Variants in ZNF83 observed in about 807,000 individuals in gnomAD.
The protein encoded by ZNF83 is zinc finger protein 83, also known as zinc finger protein 816B.
For synonymous variants in ZNF83, 209 were observed against 213.0 expected, an observed-to-expected ratio of 0.98 and a Z score of 0.17; for missense variants, 552 against 629.9, an observed-to-expected ratio of 0.88 and a Z score of 1.32.
chr19:52,643,555 G>T (rs2061335585), intron 3 of ZNF83, among the ~76,000 whole-genome samples: 1 of 152,010 alleles, frequency 6.6e-6, no homozygotes, highest in Non-Finnish European at 1.5e-5. Flanking sequence ...CAAAAAATTA[G>T]CTGGGTGTTG....
intron 2 of ZNF83, among the ~76,000 whole-genome samples, chr19:52,659,423 G>A (rs1194712975): frequency 1.3e-5 from 2 of 152,136 alleles, no homozygotes; most frequent in South Asian, 2.1e-4. Context: ...CAACAGAAAC[G>A]GTATATAAAA....
intron 1 of ZNF83, among the ~76,000 whole-genome samples, chr19:52,675,818 AGTG>A (rs1365624879): frequency 1.3e-5 from 2 of 152,236 alleles, no homozygotes; most frequent in Non-Finnish European, 2.9e-5. Context: ...CTTGGACGAA[AGTG>A]GAACTAATTT....
intron 1 of ZNF83, among the ~76,000 whole-genome samples, chr19:52,680,135 C>A (rs2061883759): frequency 6.6e-6 from 1 of 152,132 alleles, no homozygotes; most frequent in South Asian, 2.1e-4. Flanking sequence ...GAAGAGATCA[C>A]ACCACTGCAC....
intron 2 of ZNF83, among the ~76,000 whole-genome samples, chr19:52,626,745 CT>C (rs1424032933): frequency 6.6e-6 from 1 of 152,112 alleles, no homozygotes; most frequent in Non-Finnish European, 1.5e-5. Flanking sequence ...TAAAATTTTC[CT>C]TAAGGTGTCC....
intron 1 of ZNF83, among the ~76,000 whole-genome samples, chr19:52,665,746 C>T (rs778536363): frequency 3.3e-5 from 5 of 152,056 alleles, no homozygotes; most frequent in Admixed American, 6.6e-5. Context: ...TAATCCTAGC[C>T]GATAGGGGAA....
At chr19:52,654,503 T>C in intron 3 of ZNF83, 1 of 502,178 alleles carries the variant, frequency 2.0e-6, no homozygotes, top group Non-Finnish European at 3.3e-6. Flanking sequence ...CAATACTTAT[T>C]TTAAAATTCC....
chr19:52,677,151 A>C (rs942810632), intron 1 of ZNF83, among the ~76,000 whole-genome samples: 8 of 151,830 alleles, frequency 5.3e-5, no homozygotes, highest in Middle Eastern at 3.4e-3. Flanking sequence ...AAAGAAAAAA[A>C]AATAAAGGAA....
chr19:52,620,250 A>ATC (rs2060487837), intron 2 of ZNF83, among the ~76,000 whole-genome samples: 1 of 131,138 alleles, frequency 7.6e-6, no homozygotes, highest in Non-Finnish European at 1.6e-5. Flanking sequence ...ATGTGTGTGT[A>ATC]TATCTGTGTG....
intron 3 of ZNF83, chr19:52,654,007 A>G (rs2061476373): frequency 7.2e-6 from 11 of 1,529,664 alleles, no homozygotes; most frequent in Non-Finnish European, 9.0e-6. Context: ...CCTACAAGAA[A>G]TTCTTTGGGA....
chr19:52,681,672 C>G (rs2061923462), intron 1 of ZNF83, among the ~76,000 whole-genome samples: 1 of 152,188 alleles, frequency 6.6e-6, no homozygotes, highest in African/African-American at 2.4e-5. Context: ...ATCCAGATGT[C>G]TGGGATTCAG....
intron 2 of ZNF83, among the ~76,000 whole-genome samples, chr19:52,656,372 A>G (rs35424224): frequency 6.6e-6 from 1 of 151,854 alleles, no homozygotes; most frequent in South Asian, 2.1e-4. Flanking sequence ...AAATAGAAAA[A>G]TTAGCTGGGC....
chr19:52,680,713 C>T lies in ZNF83; in HGVS notation c.-283+9730G>A, dbSNP rs373911333. Among the ~76,000 whole-genome samples the T allele has an allele frequency of 8.3e-4, 116 of 140,604 alleles. 2 individuals are homozygous for T. Among genetic ancestry groups the T allele is most frequent in the East Asian group, 3.7e-3 (18 of 4,828 alleles). The allele number at this position is 140,604 out of a possible 152,430, so 92.2% of individuals were successfully genotyped here. A position where few individuals can be genotyped will look rare whatever the true frequency, so the allele number is the denominator to read the frequency against. On this transcript the variant is annotated intron_variant, in intron 1 of 5. Transcript: ENST00000594682. ...CTGCAAGCTCCGCCTCCCGGGTTCACGCCATTCTCCTGCCTCAGCCTCCCG... is the reference window on the plus strand; with the variant it reads ...CTGCAAGCTCCGCCTCCCGGGTTCATGCCATTCTCCTGCCTCAGCCTCCCG...
chr19:52,671,394 C>G (rs574264078), intron 1 of ZNF83, among the ~76,000 whole-genome samples: 55 of 152,184 alleles, frequency 3.6e-4, no homozygotes, highest in African/African-American at 1.3e-3. Context: ...TAAATTCACT[C>G]TATGTGCCTT....
chr19:52,618,774 G>A, intron 2 of ZNF83: 3 of 1,233,512 alleles, frequency 2.4e-6, no homozygotes, highest in African/African-American at 1.5e-5. Context: ...ATCTAAAAAA[G>A]GGGACAGTGA....
At chr19:52,613,516 C>A (rs2060184425) in exon 3 of ZNF83, 1 of 1,614,106 alleles carries the variant, frequency 6.2e-7, no homozygotes, top group Non-Finnish European at 8.5e-7. Context: ...GACCTTGCCA[C>A]ATTCATTACA....
At chr19:52,627,345 AG>A (rs1372469547) in intron 2 of ZNF83, among the ~76,000 whole-genome samples, 1 of 149,784 alleles carries the variant, frequency 6.7e-6, no homozygotes, top group African/African-American at 2.5e-5. Flanking sequence ...GGAGGGTGGG[AG>A]GAAGGAGAGG....
intron 2 of ZNF83, among the ~76,000 whole-genome samples, chr19:52,624,130 GCT>G (rs1886943586): frequency 6.6e-6 from 1 of 152,106 alleles, no homozygotes; most frequent in African/African-American, 2.4e-5. Context: ...CTTCAGCCAA[GCT>G]CTTTCTCATG....
chr19:52,686,833 A>G (rs912350773), intron 1 of ZNF83, among the ~76,000 whole-genome samples: 1 of 152,040 alleles, frequency 6.6e-6, no homozygotes, highest in Non-Finnish European at 1.5e-5. Flanking sequence ...TCGGTCTCCC[A>G]AAGTGCTGGG....
intron 2 of ZNF83, among the ~76,000 whole-genome samples, chr19:52,631,871 T>C (rs1230656154): frequency 8.5e-5 from 12 of 141,904 alleles, no homozygotes; most frequent in Admixed American, 8.0e-4. Context: ...TGGAAATCTA[T>C]CCTCAAGGAA....
Sources: gnomAD v4.1 joint callset for allele counts (sites outside exome capture counted in the v4.1 genomes callset) on GRCh38, gnomAD v4.1.1 for gene constraint, MANE v1.5 for transcripts, NCBI Gene and HGNC (gene_info 2026-07-23, HGNC 2026-07-21) for gene names.